The following RUFY3 variants were observed in gnomAD, a reference collection of about 807,000 sequenced individuals.
The protein encoded by RUFY3 is RUN and FYVE domain containing 3, also known as protein RUFY3.
RUFY3 carries 34 observed loss-of-function variants against 84.0 expected under a neutral mutation model. The ratio of observed to expected loss-of-function variants is 0.40; its 90% confidence interval spans 0.31 to 0.54. The LOEUF is 0.54. Among genes scored for constraint, RUFY3 ranks in the 20% least tolerant of loss-of-function variants. The probability of loss-of-function intolerance (pLI) is 0.39; values close to 1 mark genes in which losing one functional copy is unlikely to be tolerated. For missense variants in RUFY3, 507 were observed against 736.8 expected (o/e 0.69, Z 3.61); for synonymous variants, 242 against 252.9 (o/e 0.96, Z 0.41).
intron 1 of RUFY3, among the ~76,000 whole-genome samples, chr4:70,707,222 T>G (rs1740434473): frequency 6.6e-6 from 1 of 152,266 alleles, no homozygotes; most frequent in African/African-American, 2.4e-5. Context: ...TTCATGAGCG[T>G]GATCTCAGTC....
chr4:70,802,365 G>C (rs1455490205), intron 15 of RUFY3, among the ~76,000 whole-genome samples: 1 of 152,194 alleles, frequency 6.6e-6, no homozygotes, highest in Admixed American at 6.5e-5. Flanking sequence ...CTGTAACCGA[G>C]AGCGGGCTTT....
chr4:70,795,528 T>A (rs1008202204), intron 14 of RUFY3, among the ~76,000 whole-genome samples: 3 of 152,018 alleles, frequency 2.0e-5, no homozygotes. Context: ...AATAATGAAA[T>A]CAGAAAAACA....
At chr4:70,798,722 C>T (rs1182297647) in intron 14 of RUFY3, among the ~76,000 whole-genome samples, 1 of 151,674 alleles carries the variant, frequency 6.6e-6, no homozygotes, top group Non-Finnish European at 1.5e-5. Flanking sequence ...GCAGAGGTTG[C>T]ATGAAACCAG....
In RUFY3 at chr4:70,793,792, C is replaced by T. The variant is rs768814584; in HGVS notation, c.1345C>T (p.Gln449Ter). The T allele has an allele frequency of 1.1e-5, 18 of 1,613,862 alleles. No homozygotes were observed. Among genetic ancestry groups the T allele is most frequent in the Middle Eastern group, 3.3e-4 (2 of 6,072 alleles). Residue 449 changes from glutamine (Q) to a stop codon, truncating the protein, a stop_gained, in exon 13 of 18, where the codon CAG becomes TAG. Coordinates refer to ENST00000381006, the MANE Select transcript of RUFY3 (RefSeq NM_001037442.4). LOFTEE classifies it high-confidence loss of function. ...CATGTGGCTCACATCCAGATTGCGC[C>T]AGGCTGAGCGAAGCCGCCAATCTGC... Reference protein sequence around the residue: ...TIKQLEQRLRQAERSRQSAEL... With the variant: ...TIKQLEQRLR
Position 70,774,669 on chromosome 4 carries a change from AT to A in RUFY3, c.759-498del, listed in dbSNP as rs1197959733. 4.1e-4 allele frequency among the ~76,000 whole-genome samples: 56 copies of A among 137,886 alleles called. 1 individual carries two copies. Among genetic ancestry groups the A allele is most frequent in the African/African-American group, 1.2e-3 (42 of 36,308 alleles). The allele number at this position is 137,886 out of a possible 152,430, so 90.5% of individuals were successfully genotyped here. A position where few individuals can be genotyped will look rare whatever the true frequency, so the allele number is the denominator to read the frequency against. On this transcript the variant is annotated intron_variant, in intron 6 of 17. Transcript: ENST00000381006. The stretch of plus-strand genomic sequence containing the variant: ...AATATATATATATATATATATATAT[AT>A]AAAATAAACATTCAATCTTCGTGAA...
chr4:70,758,551 A>G (rs1724428890), intron 1 of RUFY3, among the ~76,000 whole-genome samples: 1 of 152,168 alleles, frequency 6.6e-6, no homozygotes, highest in South Asian at 2.1e-4. Context: ...ATTTACAATG[A>G]GCAATATATT....
intron 1 of RUFY3, among the ~76,000 whole-genome samples, chr4:70,752,234 A>G (rs1306783131): frequency 1.3e-5 from 2 of 152,212 alleles, no homozygotes; most frequent in South Asian, 4.1e-4. Context: ...TTGCTAATGT[A>G]TACAAATATA....
intron 1 of RUFY3, among the ~76,000 whole-genome samples, chr4:70,738,106 C>T (rs1436866458): frequency 6.6e-6 from 1 of 151,018 alleles, no homozygotes; most frequent in Non-Finnish European, 1.5e-5. Context: ...ACCTTGGCCT[C>T]CCAAGTAGCT....
At chr4:70,728,048 C>T (rs989034447) in intron 1 of RUFY3, among the ~76,000 whole-genome samples, 2 of 152,174 alleles carry the variant, frequency 1.3e-5, no homozygotes, top group African/African-American at 4.8e-5. Flanking sequence ...TTTGTTGTCT[C>T]AAGTGACTAC....
intron 10 of RUFY3, among the ~76,000 whole-genome samples, chr4:70,787,753 TGAG>T (rs1164646899): frequency 6.6e-6 from 1 of 152,232 alleles, no homozygotes; most frequent in East Asian, 1.9e-4. Flanking sequence ...TCAAGTAAAA[TGAG>T]AATCTCAGTG....
At chr4:70,761,089 T>G (rs1433638711) in intron 1 of RUFY3, among the ~76,000 whole-genome samples, 1 of 152,232 alleles carries the variant, frequency 6.6e-6, no homozygotes, top group East Asian at 1.9e-4. Context: ...ATTAGTATTT[T>G]TAGTCTTCCT....
chr4:70,759,165 C>T (rs1019492824), intron 1 of RUFY3, among the ~76,000 whole-genome samples: 2 of 152,154 alleles, frequency 1.3e-5, no homozygotes, highest in Non-Finnish European at 2.9e-5. Context: ...CTCCTCCATA[C>T]TCTTTTCATT....
At position 70,722,167 on chromosome 4, in the gene RUFY3, G is replaced by A; in HGVS notation, c.-407G>A. 1 of 1,230,876 alleles carries A rather than the reference G, an allele frequency of 8.1e-7. No individual in the cohort carries two copies. Among genetic ancestry groups the A allele is most frequent in the Non-Finnish European group, 1.0e-6 (1 of 987,676 alleles). The allele number at this position is 1,230,876 out of a possible 1,614,324, so 76.2% of individuals were successfully genotyped here. A position where few individuals can be genotyped will look rare whatever the true frequency, so the allele number is the denominator to read the frequency against. On this transcript the variant is annotated 5_prime_UTR_variant, in exon 1 of 18. Coordinates refer to ENST00000381006, the MANE Select transcript of RUFY3 (RefSeq NM_001037442.4). ...ATTTTTTTTCTGCACAAAGGAGGAG[G>A]ATTTTTCACTTACTCATATCGAGGC...
intron 15 of RUFY3, chr4:70,802,750 T>A (rs1232216933): frequency 2.2e-6 from 1 of 457,392 alleles, no homozygotes; most frequent in Non-Finnish European, 3.9e-6. Context: ...AAGTCAAGGG[T>A]CAGATTCTAG....
chr4:70,738,992 G>A (rs754288792), intron 1 of RUFY3, among the ~76,000 whole-genome samples: 4 of 151,806 alleles, frequency 2.6e-5, no homozygotes, highest in Non-Finnish European at 5.9e-5. Flanking sequence ...TGGGATTACA[G>A]GCATGAACCA....
At chr4:70,797,141 C>T (rs1731622898) in intron 14 of RUFY3, among the ~76,000 whole-genome samples, 1 of 151,682 alleles carries the variant, frequency 6.6e-6, no homozygotes, top group South Asian at 2.1e-4. Flanking sequence ...CAGGGTTTTG[C>T]CATGTTGTCC....
At chr4:70,774,644 A>AAAAAAATATATATATATAT (rs1553916771) in intron 6 of RUFY3, among the ~76,000 whole-genome samples, 1 of 56,686 alleles carries the variant, frequency 1.8e-5, no homozygotes, top group African/African-American at 8.4e-5. Flanking sequence ...AAAAAAAAAA[A>AAAAAAATATATATATATAT]ATATATATAT....
chr4:70,705,191 G>A, exon 1 of RUFY3: 1 of 1,462,598 alleles, frequency 6.8e-7, no homozygotes, highest in Non-Finnish European at 9.0e-7. Context: ...CGCCGCAGCA[G>A]CAGCGCTCCT....
chr4:70,740,029 T>G (rs1198637052), intron 1 of RUFY3, among the ~76,000 whole-genome samples: 1 of 149,774 alleles, frequency 6.7e-6, no homozygotes, highest in African/African-American at 2.5e-5. Flanking sequence ...CCCATAGACC[T>G]GTTTCAGGTC....
Sources: allele counts gnomAD v4.1 joint callset (sites outside exome capture counted in the v4.1 genomes callset), GRCh38; gene constraint gnomAD v4.1.1; transcripts MANE v1.5; gene names NCBI Gene and HGNC (gene_info 2026-07-23, HGNC 2026-07-21).